PSMD1: variants seen among roughly 807,000 people sequenced by gnomAD.
PSMD1 encodes 26S proteasome non-ATPase regulatory subunit 1.
PSMD1 carries 18 observed loss-of-function variants against 119.0 expected under a neutral mutation model. The observed-to-expected ratio is 0.15, with a 90% CI of 0.10 to 0.22. PSMD1 has a LOEUF of 0.22. PSMD1 is among the 10% of genes least tolerant of loss of function. The pLI is 1.00. For missense variants in PSMD1, 702 were observed against 1,158.5 expected (o/e 0.61, Z 5.72); for synonymous variants, 374 against 396.6 (o/e 0.94, Z 0.68).
At chr2:231,161,240 A>T in intron 19 of PSMD1, 100 bp from the exon 20 acceptor site, 4 of 975,902 alleles carry the variant, frequency 4.1e-6, no homozygotes, top group Non-Finnish European at 5.7e-6. Context: ...TATCTCTTTA[A>T]AAAAAAAAAA....
chr2:231,085,261 C>T (rs1694403925), intron 15 of PSMD1, 147 bp downstream of exon 15: 1 of 671,280 alleles, frequency 1.5e-6, no homozygotes, highest in South Asian at 1.7e-5. Context: ...CCCAACAGGC[C>T]ATAACCTAGC....
chr2:231,086,198 C>T (rs1176834990), intron 15 of PSMD1, among the ~76,000 whole-genome samples: 4 of 152,090 alleles, frequency 2.6e-5, no homozygotes, highest in Non-Finnish European at 4.4e-5. Context: ...CACACACCAC[C>T]GTGCCTGCCT....
At chr2:231,094,278 G>T (rs1694672509) in intron 16 of PSMD1, among the ~76,000 whole-genome samples, 1 of 152,034 alleles carries the variant, frequency 6.6e-6, no homozygotes, top group Non-Finnish European at 1.5e-5. Flanking sequence ...TCCAATTTTG[G>T]TGGAAAAATT....
At chr2:231,137,091 T>A (rs901647645) in intron 16 of PSMD1, among the ~76,000 whole-genome samples, 2 of 146,052 alleles carry the variant, frequency 1.4e-5, no homozygotes, top group African/African-American at 2.5e-5. Context: ...TATTTATATA[T>A]TATATTTTAT....
intron 19 of PSMD1, among the ~76,000 whole-genome samples, chr2:231,157,586 T>TG (rs35750632): frequency 0.17 from 25,752 of 150,768 alleles, 2,431 homozygotes; most frequent in East Asian, 0.31. Flanking sequence ...TTCTTTTTTT[T>TG]GGGGGGGGCC....
At chr2:231,144,051 T>C (rs1329384277) in intron 17 of PSMD1, among the ~76,000 whole-genome samples, 6 of 152,212 alleles carry the variant, frequency 3.9e-5, no homozygotes, top group African/African-American at 1.2e-4. Context: ...TCATCTGAGA[T>C]GTTACCTTAC....
chr2:231,141,310 A>AG lies in PSMD1; in HGVS notation c.1998+2460_1998+2461insG, dbSNP rs555659137. On this transcript the variant is annotated intron_variant, in intron 17 of 24. Transcript: ENST00000308696. ...AGTGGGACTCTGTCTCAAAAGAAAAAAAAAAAAAAGCTATTTTTCACTACA... is the reference window on the plus strand; with the variant it reads ...AGTGGGACTCTGTCTCAAAAGAAAAAGAAAAAAAAAGCTATTTTTCACTACA... Among the ~76,000 whole-genome samples the AG allele has an allele frequency of 1.7e-3, 265 of 152,216 alleles. 1 individual carries two copies. Among genetic ancestry groups the AG allele is most frequent in the African/African-American group, 6.1e-3 (253 of 41,532 alleles).
chr2:231,087,678 C>T (rs1050086478), intron 16 of PSMD1, among the ~76,000 whole-genome samples: 3 of 152,034 alleles, frequency 2.0e-5, no homozygotes, highest in African/African-American at 7.2e-5. Flanking sequence ...AAGTCATACT[C>T]TTGGCTGGGC....
At chr2:231,099,814 A>G (rs980271161) in intron 16 of PSMD1, among the ~76,000 whole-genome samples, 1 of 151,972 alleles carries the variant, frequency 6.6e-6, no homozygotes, top group African/African-American at 2.4e-5. Context: ...TTTAACCTCT[A>G]AGCCACCCCG....
rs77725644 is a variant in PSMD1, at chr2:231,076,933, A to G, written c.943-101A>G. 1,184 of 1,006,452 alleles carry G rather than the reference A, an allele frequency of 1.2e-3. 7 individuals are homozygous for G. The African/African-American group carries it at 0.017, about 15-fold the overall frequency. 62.3% of individuals were successfully genotyped at this position (1,006,452 alleles called of 1,614,324 possible). A position where few individuals can be genotyped will look rare whatever the true frequency, so the allele number is the denominator to read the frequency against. On this transcript the variant is annotated intron_variant, in intron 8 of 24. Transcript: ENST00000308696. Reference sequence around the variant, plus strand: ...TAAATTATCCTTTCTCTTAAAATGGACTGAATTTCACTGGTTTAGGACTGA... The same window carrying G: ...TAAATTATCCTTTCTCTTAAAATGGGCTGAATTTCACTGGTTTAGGACTGA...
intron 19 of PSMD1, among the ~76,000 whole-genome samples, chr2:231,158,051 C>G (rs1696553508): frequency 6.6e-6 from 1 of 151,972 alleles, no homozygotes; most frequent in Non-Finnish European, 1.5e-5. Flanking sequence ...TGGCTAACAC[C>G]TGTAATCCCA....
At chr2:231,114,454 G>A (rs947177131) in intron 16 of PSMD1, among the ~76,000 whole-genome samples, 27 of 152,186 alleles carry the variant, frequency 1.8e-4, no homozygotes, top group Admixed American at 2.6e-4. Context: ...CTCTAGTTTG[G>A]TGAAATAGTG....
chr2:231,139,767 A>G (rs1435504938), intron 17 of PSMD1, among the ~76,000 whole-genome samples: 1 of 152,134 alleles, frequency 6.6e-6, no homozygotes, highest in Non-Finnish European at 1.5e-5. Context: ...TGTGCTATTT[A>G]CCTGTTTTCT....
chr2:231,123,305 C>G (rs759733154), intron 16 of PSMD1: 1 of 845,194 alleles, frequency 1.2e-6, no homozygotes, highest in Non-Finnish European at 2.0e-6. Flanking sequence ...TTAAATAGTC[C>G]AAGTTCATCT....
chr2:231,061,431 A>G, intron 2 of PSMD1, 121 bp downstream of exon 2: 1 of 728,826 alleles, frequency 1.4e-6, no homozygotes, highest in East Asian at 2.9e-5. Context: ...GTACCCAGTT[A>G]CTGTAACCTA....
chr2:231,065,727 A>G (rs1693895659), intron 4 of PSMD1, among the ~76,000 whole-genome samples: 1 of 152,216 alleles, frequency 6.6e-6, no homozygotes, highest in Admixed American at 6.5e-5. Context: ...GTTTCTTATC[A>G]GGTGTGCTAT....
At chr2:231,146,111 A>G in intron 17 of PSMD1, 129 bp from the exon 18 acceptor site, 1 of 619,584 alleles carries the variant, frequency 1.6e-6, no homozygotes, top group Non-Finnish European at 2.9e-6. Context: ...ACTCCATTAT[A>G]ATGGGACTAC....
chr2:231,079,245 C>A (rs1227726416), intron 10 of PSMD1, among the ~76,000 whole-genome samples: 1 of 151,754 alleles, frequency 6.6e-6, no homozygotes, highest in Non-Finnish European at 1.5e-5. Context: ...AAAATTAATT[C>A]CTTTTATTAC....
In PSMD1 at chr2:231,120,822, C is replaced by T. The variant is rs151217847; in HGVS notation, c.1884-17914C>T. ...ATAGAACCAAGAACGCTTGTTTGTA[C>T]AAACGTTAGAAGTCCTAAAGATTAA... On this transcript the variant is annotated intron_variant, in intron 16 of 24. Coordinates refer to ENST00000308696, the MANE Select transcript of PSMD1 (RefSeq NM_002807.4). Among the ~76,000 whole-genome samples the T allele has an allele frequency of 2.2e-3, 336 of 152,248 alleles. 5 individuals carry two copies. The highest frequency in any genetic ancestry group is 0.019 in the Admixed American group (294 of 15,308).
Sources: gnomAD v4.1 joint callset for allele counts (sites outside exome capture counted in the v4.1 genomes callset) on GRCh38, gnomAD v4.1.1 for gene constraint, MANE v1.5 for transcripts, NCBI Gene and HGNC (gene_info 2026-07-23, HGNC 2026-07-21) for gene names.